The following HACD3 variants were observed in gnomAD, a reference collection of about 807,000 sequenced individuals.
The protein encoded by HACD3 is very-long-chain (3R)-3-hydroxyacyl-CoA dehydratase 3.
A neutral mutation model predicts 55.2 loss-of-function variants in HACD3; 30 were observed. That is an observed-to-expected ratio of 0.54 (90% CI 0.41 to 0.74). The LOEUF (loss-of-function observed/expected upper bound fraction) is 0.74. Ranked by LOEUF, HACD3 falls within the 30% of genes least tolerant of loss-of-function variation. The pLI is 0.00. For missense variants in HACD3, 363 were observed against 440.1 expected, an observed-to-expected ratio of 0.82 and a Z score of 1.57; for synonymous variants, 141 against 151.7, an observed-to-expected ratio of 0.93 and a Z score of 0.52.
intron 1 of HACD3, among the ~76,000 whole-genome samples, chr15:65,541,020 C>T (rs536686811): frequency 8.5e-5 from 13 of 152,242 alleles, no homozygotes; most frequent in African/African-American, 1.9e-4. Flanking sequence ...AAGATTTTGA[C>T]TTAAGCACAG....
intron 7 of HACD3, chr15:65,564,830 A>T (rs1460661921): frequency 6.5e-6 from 1 of 154,028 alleles, no homozygotes; most frequent in African/African-American, 2.4e-5. Context: ...TGCCTTCTCA[A>T]CAGTCCCCCA....
intron 1 of HACD3, among the ~76,000 whole-genome samples, chr15:65,548,965 GA>G (rs1031435501): frequency 1.3e-5 from 2 of 152,080 alleles, no homozygotes; most frequent in African/African-American, 4.8e-5. Flanking sequence ...GGGTTCAAGT[GA>G]TCCTCCCACT....
rs1033428605 is a variant in HACD3 at position 65,578,049 on chromosome 15, G to A, written c.*1670G>A. The A allele has an allele frequency of 5.9e-5, 9 of 152,266 alleles. No individual in the cohort carries two copies. The highest frequency in any genetic ancestry group is 2.2e-4 in the African/African-American group (9 of 41,442). The allele number at this position is 152,266 out of a possible 1,614,324, so 9.4% of individuals were successfully genotyped here. On this transcript the variant is annotated 3_prime_UTR_variant, in exon 11 of 11. Transcript: ENST00000261875. ...CAATGAGTTAATACTATTTCACTGAGCCCAAGATGGAAACTTGGTTTGACC... is the reference window on the plus strand; with the variant it reads ...CAATGAGTTAATACTATTTCACTGAACCCAAGATGGAAACTTGGTTTGACC...
In HACD3 at chr15:65,572,266, C is replaced by T; in HGVS notation, c.912C>T (p.Phe304=). ...CAGTGATTCAGTCCATTCCAATATT[C>T]AATGAGACCGGACGATTCAGTTTCA... ...AVSVIQSIPI[F]NETGRFSFTL... is the part of the protein sequence containing the mutation. The change falls in exon 10 of 11, where the codon TTC becomes TTT. Residue 304 remains phenylalanine (F), a synonymous_variant. Transcript: ENST00000261875. 6.2e-7 allele frequency: 1 copy of T among 1,612,972 alleles called. No homozygotes were observed.
At chr15:65,541,045 G>A (rs2072014599) in intron 1 of HACD3, among the ~76,000 whole-genome samples, 1 of 152,190 alleles carries the variant, frequency 6.6e-6, no homozygotes, top group African/African-American at 2.4e-5. Context: ...GATGACAACT[G>A]AAATGATTAA....
chr15:65,567,226 G>C (rs2141223066), intron 7 of HACD3, among the ~76,000 whole-genome samples: 1 of 152,228 alleles, frequency 6.6e-6, no homozygotes, highest in Middle Eastern at 3.4e-3. Flanking sequence ...GGCTGAGACG[G>C]AAGGATTCCT....
rs1373273026 is a variant in HACD3 at position 65,533,755 on chromosome 15, AAAAG to A, written c.87+3045_87+3048del. Among the ~76,000 whole-genome samples, 89 of 151,022 alleles carry A rather than the reference AAAAG, an allele frequency of 5.9e-4. 1 individual carries two copies. Among genetic ancestry groups the A allele is most frequent in the African/African-American group, 2.2e-3 (89 of 41,290 alleles). ...GCAGATTTGTTATTTAAAAAAAAAAAAAAGAAAGAAAAGCAGCCGGGTGTGGTGG... is the reference window on the plus strand; with the variant it reads ...GCAGATTTGTTATTTAAAAAAAAAAAAAAGAAAAGCAGCCGGGTGTGGTGG... On this transcript the variant is annotated intron_variant, in intron 1 of 10. Coordinates refer to ENST00000261875, the MANE Select transcript of HACD3 (RefSeq NM_016395.4).
In HACD3 at chr15:65,555,217, G is replaced by GTTC. The variant is rs1451736075; in HGVS notation, c.204+259_204+261dup. 5.3e-5 allele frequency among the ~76,000 whole-genome samples: 8 copies of GTTC among 152,292 alleles called. No individual in the cohort carries two copies. In the South Asian group the frequency reaches 1.0e-3, roughly 20 times the overall value. The stretch of plus-strand genomic sequence containing the variant: ...TCTCTTAACTTCTTCGAGTTCTGGT[G>GTTC]TTCTCATGTGTTAAATGAAGGTCTG... On this transcript the variant is annotated intron_variant, in intron 3 of 10. Transcript: ENST00000261875.
intron 1 of HACD3, among the ~76,000 whole-genome samples, chr15:65,532,252 T>C (rs1447421650): frequency 6.6e-6 from 1 of 151,888 alleles, no homozygotes; most frequent in African/African-American, 2.4e-5. Flanking sequence ...TTTAATAGAA[T>C]AGGAAAAAAC....
chr15:65,546,310 A>AT (rs1405342701), intron 1 of HACD3, among the ~76,000 whole-genome samples: 3 of 152,320 alleles, frequency 2.0e-5, no homozygotes, highest in East Asian at 1.9e-4. Flanking sequence ...GTTCATGTAG[A>AT]TTTTTTATTA....
intron 1 of HACD3, chr15:65,535,857 A>AT (rs2071949587): frequency 3.5e-6 from 2 of 576,592 alleles, no homozygotes; most frequent in South Asian, 2.1e-5. Flanking sequence ...CTAATTTTCA[A>AT]TTTTTTAATT....
Position 65,542,901 on chromosome 15 carries a change from C to G in HACD3, c.88-8775C>G, listed in dbSNP as rs1048403372. ...CCATCCTGGCCAACATGGGGAAACCCTGTCTCTACTAAAAATACAGAAATT... is the reference window on the plus strand; with the variant it reads ...CCATCCTGGCCAACATGGGGAAACCGTGTCTCTACTAAAAATACAGAAATT... On this transcript the variant is annotated intron_variant, in intron 1 of 10. Coordinates refer to ENST00000261875, the MANE Select transcript of HACD3 (RefSeq NM_016395.4). Among the ~76,000 whole-genome samples the G allele has an allele frequency of 7.9e-5, 12 of 151,844 alleles. 1 individual carries two copies. The highest frequency in any genetic ancestry group is 5.9e-4 in the Admixed American group (9 of 15,238).
intron 1 of HACD3, among the ~76,000 whole-genome samples, chr15:65,532,934 G>T (rs2071917215): frequency 6.6e-6 from 1 of 152,182 alleles, no homozygotes; most frequent in East Asian, 1.9e-4. Flanking sequence ...TTTTGTGTAG[G>T]AGTATGTTTA....
In HACD3 at chr15:65,556,951, A is replaced by G. The variant is rs1169598066; in HGVS notation, c.369+48A>G. ...AGCCATTGAGGACAAATCATGGGGAACCCACGTTATTCAGGCCACTTCAGA... is the reference window on the plus strand; with the variant it reads ...AGCCATTGAGGACAAATCATGGGGAGCCCACGTTATTCAGGCCACTTCAGA... On this transcript the variant is annotated intron_variant, in intron 4 of 10. Coordinates refer to ENST00000261875, the MANE Select transcript of HACD3 (RefSeq NM_016395.4). 4 of 1,551,306 alleles carry G rather than the reference A, an allele frequency of 2.6e-6. No individual in the cohort carries two copies. The South Asian group carries it at 4.8e-5, about 18-fold the overall frequency.
chr15:65,530,901 G>A (rs1292731871), intron 1 of HACD3, 183 bp downstream of exon 1: 2 of 589,866 alleles, frequency 3.4e-6, no homozygotes, highest in Non-Finnish European at 5.7e-6. Flanking sequence ...CTCGGGCCGG[G>A]GGCACAACCC....
chr15:65,536,687 G>T (rs1046441752), intron 1 of HACD3, among the ~76,000 whole-genome samples: 6 of 152,166 alleles, frequency 3.9e-5, no homozygotes, highest in Non-Finnish European at 8.8e-5. Flanking sequence ...AACCTGGGAG[G>T]CTGAAGTTGG....
intron 10 of HACD3, among the ~76,000 whole-genome samples, chr15:65,574,950 A>G (rs1279374136): frequency 6.6e-6 from 1 of 152,220 alleles, no homozygotes; most frequent in Non-Finnish European, 1.5e-5. Context: ...ATTTTAGTGA[A>G]CAGGGTAGAG....
At chr15:65,540,223 T>A (rs528971797) in intron 1 of HACD3, among the ~76,000 whole-genome samples, 50 of 152,288 alleles carry the variant, frequency 3.3e-4, no homozygotes, top group African/African-American at 1.2e-3. Context: ...TATAAAGCAG[T>A]AAGTTAAATA....
At chr15:65,566,618 A>G (rs995727639) in intron 7 of HACD3, 1 of 152,336 alleles carries the variant, frequency 6.6e-6, no homozygotes, top group African/African-American at 2.4e-5. Context: ...GGTCCCTTCC[A>G]CAACATGTGG....
Sources: allele counts gnomAD v4.1 joint callset (sites outside exome capture counted in the v4.1 genomes callset), GRCh38; gene constraint gnomAD v4.1.1; transcripts MANE v1.5; gene names NCBI Gene and HGNC (gene_info 2026-07-23, HGNC 2026-07-21).